Variants in EPHB2 observed in about 807,000 individuals in gnomAD.
EPHB2 encodes the protein ephrin type-B receptor 2.
Under a neutral mutation model 96.4 loss-of-function variants are expected in EPHB2, and 18 were observed. That is an observed-to-expected ratio of 0.19 (90% confidence interval 0.13 to 0.28). The LOEUF (loss-of-function observed/expected upper bound fraction) is 0.28. Among genes scored for constraint, EPHB2 ranks in the 10% least tolerant of loss-of-function variants. The pLI is 1.00. For synonymous variants in EPHB2, 506 were observed against 534.1 expected, an observed-to-expected ratio of 0.95 and a Z score of 0.72; for missense variants, 989 against 1,355.4, an observed-to-expected ratio of 0.73 and a Z score of 4.25.
intron 1 of EPHB2, among the ~76,000 whole-genome samples, chr1:22,735,743 G>C (rs1436262934): frequency 6.6e-6 from 1 of 152,168 alleles, no homozygotes; most frequent in Non-Finnish European, 1.5e-5. Context: ...TGCCTTCCTT[G>C]AAATCCTCTT....
intron 1 of EPHB2, among the ~76,000 whole-genome samples, chr1:22,768,458 G>T (rs1644335373): frequency 6.6e-6 from 1 of 152,076 alleles, no homozygotes; most frequent in Non-Finnish European, 1.5e-5. Flanking sequence ...AGGCCGAGGT[G>T]GGAGGATCAC....
At chr1:22,865,507 G>A (rs1350889849) in intron 5 of EPHB2, among the ~76,000 whole-genome samples, 9 of 152,192 alleles carry the variant, frequency 5.9e-5, no homozygotes, top group Non-Finnish European at 1.3e-4. Flanking sequence ...TCTCTCATGG[G>A]AGAATCCAGA....
intron 3 of EPHB2, among the ~76,000 whole-genome samples, chr1:22,839,743 G>A (rs945495034): frequency 2.0e-5 from 3 of 152,130 alleles, no homozygotes; most frequent in Admixed American, 6.5e-5. Context: ...AGAAGGCATC[G>A]TAGCAGGGCC....
intron 1 of EPHB2, among the ~76,000 whole-genome samples, chr1:22,742,472 A>G (rs922746755): frequency 2.6e-5 from 4 of 151,692 alleles, no homozygotes; most frequent in Non-Finnish European, 4.4e-5. Context: ...TTCCAGCCAG[A>G]CTTCCTTCCT....
chr1:22,820,103 C>G (rs888862592), intron 3 of EPHB2, among the ~76,000 whole-genome samples: 2 of 151,964 alleles, frequency 1.3e-5, no homozygotes, highest in Non-Finnish European at 1.5e-5. Flanking sequence ...ATCTCACCAT[C>G]CCCAGGAAAA....
intron 1 of EPHB2, among the ~76,000 whole-genome samples, chr1:22,752,089 A>G (rs1471751644): frequency 6.6e-6 from 1 of 152,236 alleles, no homozygotes; most frequent in African/African-American, 2.4e-5. Context: ...CAGTGAAACC[A>G]TGCAGGGTTA....
At chr1:22,891,000 G>C (rs537865785) in intron 6 of EPHB2, 1 of 445,090 alleles carries the variant, frequency 2.2e-6, no homozygotes, top group Admixed American at 2.4e-5. Flanking sequence ...TGCAGCCCCC[G>C]TCCCAGACCA....
chr1:22,866,633 TG>T (rs1282136812), intron 5 of EPHB2, among the ~76,000 whole-genome samples: 1 of 151,858 alleles, frequency 6.6e-6, no homozygotes, highest in African/African-American at 2.4e-5. Context: ...CCAAGGACAT[TG>T]AAAGAGAGAG....
intron 1 of EPHB2, among the ~76,000 whole-genome samples, chr1:22,726,104 C>T (rs1437484774): frequency 2.6e-5 from 4 of 152,178 alleles, no homozygotes; most frequent in African/African-American, 9.7e-5. Flanking sequence ...CTCTAGGATG[C>T]TAGGGGACAT....
rs369188244 is a variant in EPHB2, at chr1:22,721,671, C to T, written c.61+10628C>T. 8.1e-4 allele frequency among the ~76,000 whole-genome samples: 123 copies of T among 152,212 alleles called. 2 individuals are homozygous for T. In the South Asian group the frequency reaches 0.024, roughly 30 times the overall value. On this transcript the variant is annotated intron_variant, in intron 1 of 15. Transcript: ENST00000374630. The stretch of plus-strand genomic sequence containing the variant: ...TCACTCTGTCTCATAGGCTGGAGTG[C>T]AGTGACGCAATCGCAGCTCACTTAG...
chr1:22,801,399 G>A (rs974378941), intron 3 of EPHB2, among the ~76,000 whole-genome samples: 45 of 152,122 alleles, frequency 3.0e-4, no homozygotes, highest in Non-Finnish European at 5.4e-4. Context: ...CCCAGCCACC[G>A]CCCTGGGTGG....
chr1:22,717,001 A>G (rs1643311326), intron 1 of EPHB2, among the ~76,000 whole-genome samples: 1 of 151,960 alleles, frequency 6.6e-6, no homozygotes. Context: ...TTTTTAACAT[A>G]CTCTCCAGGT....
rs1423340367 is a variant in EPHB2 at position 22,912,617 on chromosome 1, TCTG to T, written c.2852+21_2852+23del. ...ATGATGGAGTAAGTGCCCAGCCACT[TCTG>T]CTTGTCACCTTAGCACCCCCTCTCC... On this transcript the variant is annotated intron_variant, in intron 15 of 15. Coordinates refer to ENST00000374630, the MANE Select transcript of EPHB2 (RefSeq NM_017449.5). 1 of 1,613,014 alleles carries T rather than the reference TCTG, an allele frequency of 6.2e-7. No individual in the cohort carries two copies. Among genetic ancestry groups the T allele is most frequent in the South Asian group, 1.1e-5 (1 of 91,066 alleles).
Position 22,917,437 on chromosome 1 carries a change from G to A in EPHB2, c.*3867G>A, listed in dbSNP as rs1372416920. ...GAAGACTCTTGCTAGGGAAGATAAC[G>A]TAAATGCATTCAAAAGACAGGGTAC... On this transcript the variant is annotated 3_prime_UTR_variant, in exon 16 of 16. Coordinates refer to ENST00000374630, the MANE Select transcript of EPHB2 (RefSeq NM_017449.5). 4 of 152,240 alleles carry A rather than the reference G, an allele frequency of 2.6e-5. No individual in the cohort carries two copies. The highest frequency in any genetic ancestry group is 2.1e-4 in the South Asian group (1 of 4,836). 9.4% of individuals were successfully genotyped at this position (152,240 alleles called of 1,614,324 possible). A position where few individuals can be genotyped will look rare whatever the true frequency, so the allele number is the denominator to read the frequency against.
chr1:22,863,149 C>G lies in EPHB2; in HGVS notation c.924C>G (p.Gly308=). 1 of 1,614,206 alleles carries G rather than the reference C, an allele frequency of 6.2e-7. No homozygotes were observed. The highest frequency in any genetic ancestry group is 2.2e-5 in the East Asian group (1 of 44,874). Residue 308 remains glycine, a synonymous_variant, in exon 4 of 16, where the codon GGC becomes GGG. Coordinates refer to ENST00000374630, the MANE Select transcript of EPHB2 (RefSeq NM_017449.5). ...CCACCAACTGTGTCTGCCGCAATGG[C>G]TACTACAGAGCAGACCTGGACCCCC... is the stretch of plus-strand genomic sequence containing the variant. ...EGATNCVCRN[G]YYRADLDPLD...
chr1:22,764,728 T>A (rs1201773295), intron 1 of EPHB2, among the ~76,000 whole-genome samples: 2 of 148,424 alleles, frequency 1.3e-5, no homozygotes, highest in Non-Finnish European at 1.5e-5. Flanking sequence ...CCTGGGCAAC[T>A]CTCAAAAAAA....
intron 3 of EPHB2, among the ~76,000 whole-genome samples, chr1:22,844,442 G>A (rs1290263422): frequency 6.6e-6 from 1 of 152,240 alleles, no homozygotes; most frequent in East Asian, 1.9e-4. Context: ...GCAGCTGAGA[G>A]GCTGGCCCAG....
At position 22,910,878 on chromosome 1, in the gene EPHB2, C is replaced by G. The variant is rs549538427; in HGVS notation, c.2696+303C>G. On this transcript the variant is annotated intron_variant, in intron 14 of 15. Coordinates refer to ENST00000374630, the MANE Select transcript of EPHB2 (RefSeq NM_017449.5). ...GAAGGCCGGGAGAGATGGCTCACGC[C>G]TGTAATCCCAGCACTTTGGGAGGCT... 3.3e-5 allele frequency among the ~76,000 whole-genome samples: 5 copies of G among 152,306 alleles called. No individual in the cohort carries two copies. The East Asian group carries it at 9.6e-4, about 29-fold the overall frequency.
intron 3 of EPHB2, among the ~76,000 whole-genome samples, chr1:22,829,257 G>T (rs1645268352): frequency 6.6e-6 from 1 of 152,260 alleles, no homozygotes; most frequent in Admixed American, 6.5e-5. Context: ...GAAGGTGGGA[G>T]CAGTTGCCTG....
Sources: gnomAD v4.1 joint callset for allele counts (sites outside exome capture counted in the v4.1 genomes callset) on GRCh38, gnomAD v4.1.1 for gene constraint, MANE v1.5 for transcripts, NCBI Gene and HGNC (gene_info 2026-07-23, HGNC 2026-07-21) for gene names.